OSBP2: variants seen among roughly 807,000 people sequenced by gnomAD.
The protein encoded by OSBP2 is oxysterol-binding protein 2.
A neutral mutation model predicts 96.0 loss-of-function variants in OSBP2; 66 were observed. That is an observed-to-expected ratio of 0.69 (90% CI 0.56 to 0.84). The LOEUF is 0.84. OSBP2 is among the 40% of genes least tolerant of loss of function. The probability of loss-of-function intolerance (pLI) is 0.00; values close to 1 mark genes in which losing one functional copy is unlikely to be tolerated. For synonymous variants in OSBP2, 525 were observed against 520.9 expected (o/e 1.01, Z -0.11); for missense variants, 1,038 against 1,222.7 (o/e 0.85, Z 2.25).
chr22:30,721,814 T>G (rs867837433), intron 1 of OSBP2, among the ~76,000 whole-genome samples: 1 of 152,316 alleles, frequency 6.6e-6, no homozygotes. Flanking sequence ...GTTTCCTTAA[T>G]TATCTCAAAT....
intron 2 of OSBP2, among the ~76,000 whole-genome samples, chr22:30,777,594 G>A (rs2090453448): frequency 1.3e-5 from 2 of 152,272 alleles, no homozygotes; most frequent in African/African-American, 2.4e-5. Context: ...TCTTCCATCT[G>A]TAAAGAAATG....
chr22:30,750,183 G>T (rs1240262070), intron 2 of OSBP2, among the ~76,000 whole-genome samples: 2 of 152,204 alleles, frequency 1.3e-5, no homozygotes, highest in Non-Finnish European at 2.9e-5. Context: ...CAGATCTGAT[G>T]CTGGATAAGT....
intron 2 of OSBP2, among the ~76,000 whole-genome samples, chr22:30,846,193 C>A (rs8142530): frequency 0.057 from 8,690 of 152,146 alleles, 267 homozygotes; most frequent in Non-Finnish European, 0.064. Flanking sequence ...TGTCACCCAG[C>A]TGGAGTGCAG....
At chr22:30,717,086 G>GTTTTTTTTTTT (rs144392805) in intron 1 of OSBP2, among the ~76,000 whole-genome samples, 15 of 96,574 alleles carry the variant, frequency 1.6e-4, no homozygotes, top group African/African-American at 4.6e-4. Flanking sequence ...TAATTTTACT[G>GTTTTTTTTTTT]TTTTTGTGTG....
rs2039444314 is a variant in OSBP2 at position 30,870,865 on chromosome 22, C to T, written c.1107+183C>T. Among the ~76,000 whole-genome samples the T allele has an allele frequency of 1.3e-5, 2 of 152,204 alleles. No homozygotes were observed. Among genetic ancestry groups the T allele is most frequent in the Non-Finnish European group, 2.9e-5 (2 of 68,036 alleles). On this transcript the variant is annotated intron_variant, in intron 3 of 13. Coordinates refer to ENST00000332585, the MANE Select transcript of OSBP2 (RefSeq NM_030758.4). The surrounding 1 kb of genome is among the most constrained non-coding windows in gnomAD (Gnocchi z 4.1). ...TCTTAAATCATCTCCTTCACTCGGCCGTCGTTGGGCAAGGACATTCTTCCT... is the reference window on the plus strand; with the variant it reads ...TCTTAAATCATCTCCTTCACTCGGCTGTCGTTGGGCAAGGACATTCTTCCT...
At chr22:30,905,102 C>T (rs1048770692) in intron 12 of OSBP2, among the ~76,000 whole-genome samples, 2 of 145,236 alleles carry the variant, frequency 1.4e-5, no homozygotes, top group Non-Finnish European at 3.0e-5. Context: ...CAGGCCACTT[C>T]ACTCCAGCCT....
intron 2 of OSBP2, among the ~76,000 whole-genome samples, chr22:30,769,019 A>T (rs1460859346): frequency 6.6e-6 from 1 of 152,108 alleles, no homozygotes; most frequent in Non-Finnish European, 1.5e-5. Flanking sequence ...TCCCTGGGGT[A>T]CCCCCTGCAT....
chr22:30,905,898 G>A lies in OSBP2; in HGVS notation c.2437G>A (p.Glu813Lys), dbSNP rs548359613. The A allele has an allele frequency of 5.0e-6, 8 of 1,613,280 alleles. No individual in the cohort carries two copies. Among genetic ancestry groups the A allele is most frequent in the Non-Finnish European group, 6.8e-6 (8 of 1,179,714 alleles). The change falls in exon 13 of 14, where the codon GAG becomes AAG. Residue 813 changes from glutamate to lysine, a missense_variant. This residue lies in a region of OSBP2 where 737 missense variants were observed against 913.3 expected (regional missense o/e 0.81). Coordinates refer to ENST00000332585, the MANE Select transcript of OSBP2 (RefSeq NM_030758.4). Reference protein sequence around the residue: ...ELALTLNEHEEGVAPTDSRLR... With the variant: ...ELALTLNEHEKGVAPTDSRLR... ...GGCCCTGACCCTCAACGAGCACGAG[G>A]AGGGCGTAGCGCCAACCGACAGCCG...
At chr22:30,772,686 G>A (rs1436917954) in intron 2 of OSBP2, among the ~76,000 whole-genome samples, 1 of 152,176 alleles carries the variant, frequency 6.6e-6, no homozygotes, top group Non-Finnish European at 1.5e-5. Flanking sequence ...GCTGAGTAAT[G>A]TCCTCTGCCT....
chr22:30,707,586 C>T (rs563116239), intron 1 of OSBP2, among the ~76,000 whole-genome samples: 2 of 151,206 alleles, frequency 1.3e-5, no homozygotes, highest in East Asian at 2.1e-4. Flanking sequence ...GGCACGGTGG[C>T]GGGCCCTGTA....
chr22:30,811,751 C>T (rs1357319217), intron 2 of OSBP2, among the ~76,000 whole-genome samples: 2 of 151,824 alleles, frequency 1.3e-5, no homozygotes. Context: ...GACGGGGTTT[C>T]ACCATGTTGG....
chr22:30,869,405 A>C (rs2039413265), intron 2 of OSBP2, among the ~76,000 whole-genome samples: 1 of 152,270 alleles, frequency 6.6e-6, no homozygotes, highest in South Asian at 2.1e-4. Context: ...GTCTGCACAC[A>C]GAAGGCATTC....
Position 30,758,651 on chromosome 22 carries a change from A to C in OSBP2, c.853+17282A>C, listed in dbSNP as rs866589790. ...CTCAAGGAGGAAAGGGTCCCCTGTC[A>C]GTGATAGCAGTGGCGATGAGAGGCC... On this transcript the variant is annotated intron_variant, in intron 2 of 13. Coordinates refer to ENST00000332585, the MANE Select transcript of OSBP2 (RefSeq NM_030758.4). 3.0e-4 allele frequency among the ~76,000 whole-genome samples: 46 copies of C among 152,272 alleles called. No homozygotes were observed. In the Middle Eastern group the frequency reaches 0.01, roughly 34 times the overall value.
At chr22:30,815,367 C>CGTT in intron 2 of OSBP2, among the ~76,000 whole-genome samples, 1 of 152,194 alleles carries the variant, frequency 6.6e-6, no homozygotes, top group Non-Finnish European at 1.5e-5. Flanking sequence ...GTCCCCACCC[C>CGTT]ATGGCCTCAT....
intron 2 of OSBP2, among the ~76,000 whole-genome samples, chr22:30,840,316 AGAAAAAG>A (rs2038725112): frequency 1.4e-5 from 2 of 144,012 alleles, no homozygotes; most frequent in Admixed American, 7.0e-5. Context: ...AAAAAAAAAA[AGAAAAAG>A]GAAAAAAAAA....
intron 2 of OSBP2, among the ~76,000 whole-genome samples, chr22:30,856,806 A>C (rs1285136639): frequency 6.6e-6 from 1 of 152,088 alleles, no homozygotes; most frequent in East Asian, 1.9e-4. Context: ...ATGAATTTAT[A>C]GTAAGAAATG....
chr22:30,768,802 T>C (rs532306355), intron 2 of OSBP2, among the ~76,000 whole-genome samples: 2 of 152,240 alleles, frequency 1.3e-5, no homozygotes, highest in Non-Finnish European at 2.9e-5. Context: ...GAGGGCATAA[T>C]AGCACTTTCG....
chr22:30,852,191 T>C (rs1330736537), intron 2 of OSBP2, among the ~76,000 whole-genome samples: 1 of 152,218 alleles, frequency 6.6e-6, no homozygotes, highest in Non-Finnish European at 1.5e-5. Context: ...GATTGTGAAT[T>C]GTTTCTACCC....
intron 2 of OSBP2, among the ~76,000 whole-genome samples, chr22:30,860,779 G>C (rs5997792): frequency 6.6e-6 from 1 of 152,082 alleles, no homozygotes; most frequent in African/African-American, 2.4e-5. Context: ...TAGGCTGGGT[G>C]TTCTGCCGGC....
Sources: allele counts gnomAD v4.1 joint callset (sites outside exome capture counted in the v4.1 genomes callset), GRCh38; gene constraint gnomAD v4.1.1; regional missense constraint gnomAD v4.1.1; non-coding constraint Gnocchi (gnomAD v3.1); transcripts MANE v1.5; gene names NCBI Gene and HGNC (gene_info 2026-07-23, HGNC 2026-07-21).